Variants in AKAP7 observed in about 807,000 individuals in gnomAD.
AKAP7 encodes the protein A-kinase anchoring protein 7.
In AKAP7, 39 loss-of-function variants were observed where a neutral mutation model predicts 39.5. The observed-to-expected ratio is 0.99, with a 90% CI of 0.76 to 1.29. The LOEUF (loss-of-function observed/expected upper bound fraction) is 1.29, where lower values mean the gene tolerates loss of function less well. Among genes scored for constraint, AKAP7 ranks in the 50% most tolerant of loss-of-function variants. The pLI is 0.00. For synonymous variants in AKAP7, 140 were observed against 139.1 expected (o/e 1.01, Z -0.05); for missense variants, 414 against 407.7 (o/e 1.02, Z -0.13).
At position 131,145,848 on chromosome 6, in the gene AKAP7, C is replaced by T. The variant is rs77262554; in HGVS notation, c.151+432C>T. ...GGATTACAGATGTGAATGATCGTGC[C>T]GCGCCAAGTCTTGTTTTTTATTTAA... is the stretch of plus-strand genomic sequence containing the variant. On this transcript the variant is annotated intron_variant, in intron 2 of 7. Transcript: ENST00000431975. 0.01 allele frequency among the ~76,000 whole-genome samples: 1,533 copies of T among 152,118 alleles called. 115 individuals carry two copies. In the East Asian group the frequency reaches 0.18, roughly 18 times the overall value.
chr6:131,156,065 G>A (rs1802390726), intron 2 of AKAP7, among the ~76,000 whole-genome samples: 2 of 152,262 alleles, frequency 1.3e-5, no homozygotes, highest in South Asian at 4.2e-4. Flanking sequence ...ATCCAGTGCT[G>A]CCTCTATAAA....
chr6:131,241,336 A>G (rs1427621372), intron 7 of AKAP7, among the ~76,000 whole-genome samples: 1 of 152,090 alleles, frequency 6.6e-6, no homozygotes, highest in Admixed American at 6.6e-5. Flanking sequence ...AGGAGAATCA[A>G]TATTTTAAGA....
At chr6:131,207,198 A>T (rs921588587) in intron 6 of AKAP7, among the ~76,000 whole-genome samples, 6 of 152,196 alleles carry the variant, frequency 3.9e-5, no homozygotes, top group Non-Finnish European at 5.9e-5. Context: ...AGAATGACAG[A>T]AAGAAGAAAG....
At chr6:131,148,165 T>A (rs1801625589) in intron 2 of AKAP7, among the ~76,000 whole-genome samples, 1 of 152,198 alleles carries the variant, frequency 6.6e-6, no homozygotes, top group African/African-American at 2.4e-5. Flanking sequence ...GATATATTTT[T>A]TACCAAAGAA....
intron 2 of AKAP7, among the ~76,000 whole-genome samples, chr6:131,153,643 A>G (rs1329007136): frequency 6.6e-6 from 1 of 152,150 alleles, no homozygotes; most frequent in Non-Finnish European, 1.5e-5. Flanking sequence ...TTAAATAGGT[A>G]AGGTAGAAAA....
At chr6:131,254,591 G>C (rs1002398203) in intron 7 of AKAP7, among the ~76,000 whole-genome samples, 6 of 152,186 alleles carry the variant, frequency 3.9e-5, no homozygotes, top group African/African-American at 1.4e-4. Context: ...ATGGATGAAT[G>C]GTAAAGATGA....
intron 6 of AKAP7, among the ~76,000 whole-genome samples, chr6:131,205,192 A>C (rs949262714): frequency 1.8e-4 from 27 of 151,830 alleles, no homozygotes; most frequent in Admixed American, 9.8e-4. Flanking sequence ...ACCAATTGAG[A>C]TTTTTTTTTA....
intron 1 of AKAP7, 119 bp from the exon 2 acceptor site, chr6:131,145,166 A>G (rs1422491634): frequency 6.1e-6 from 4 of 652,842 alleles, no homozygotes; most frequent in East Asian, 3.5e-5. Flanking sequence ...CAAGTAGTAC[A>G]TTTCTTAACA....
chr6:131,215,338 A>T (rs544363109), intron 6 of AKAP7, among the ~76,000 whole-genome samples: 1 of 152,358 alleles, frequency 6.6e-6, no homozygotes, highest in Admixed American at 6.5e-5. Context: ...GGAAGGCCGC[A>T]AGGCCGTTCT....
intron 5 of AKAP7, among the ~76,000 whole-genome samples, chr6:131,198,309 A>AT (rs771640163): frequency 2.3e-4 from 35 of 152,062 alleles, no homozygotes; most frequent in Non-Finnish European, 4.4e-4. Flanking sequence ...TGATTAATTG[A>AT]TTTATCTTTT....
chr6:131,184,505 A>T (rs1190192893), intron 5 of AKAP7: 1 of 687,070 alleles, frequency 1.5e-6, no homozygotes, highest in Non-Finnish European at 2.7e-6. Flanking sequence ...GGTGCCGCAG[A>T]TATCGCAACA....
intron 5 of AKAP7, among the ~76,000 whole-genome samples, 161 bp downstream of exon 5, chr6:131,169,434 C>G (rs1161554255): frequency 3.3e-5 from 5 of 152,182 alleles, no homozygotes; most frequent in Admixed American, 6.5e-5. Context: ...GATTTCAGTG[C>G]TTATCATAAC....
chr6:131,279,629 TA>T (rs778501937), intron 7 of AKAP7, among the ~76,000 whole-genome samples: 14 of 152,184 alleles, frequency 9.2e-5, no homozygotes, highest in Non-Finnish European at 2.1e-4. Flanking sequence ...CACTGTGGAC[TA>T]GTAGAAATCA....
chr6:131,183,195 C>T (rs1374542200), intron 5 of AKAP7, among the ~76,000 whole-genome samples: 3 of 152,286 alleles, frequency 2.0e-5, no homozygotes, highest in South Asian at 2.1e-4. Flanking sequence ...GGCCTGCCTG[C>T]GGCCAAGGGG....
At chr6:131,279,957 T>C (rs139262890) in intron 7 of AKAP7, among the ~76,000 whole-genome samples, 7 of 152,312 alleles carry the variant, frequency 4.6e-5, no homozygotes, top group African/African-American at 1.7e-4. Context: ...AAACACCGTG[T>C]TGTAAGGTTG....
At chr6:131,247,326 C>CTT (rs539406845) in intron 7 of AKAP7, among the ~76,000 whole-genome samples, 3 of 58,156 alleles carry the variant, frequency 5.2e-5, no homozygotes, top group Admixed American at 2.1e-4. Context: ...TTTTTTTTTT[C>CTT]TTTTTTTTTT....
chr6:131,257,970 CAATT>C (rs1813001942), intron 7 of AKAP7, among the ~76,000 whole-genome samples: 1 of 152,144 alleles, frequency 6.6e-6, no homozygotes, highest in African/African-American at 2.4e-5. Flanking sequence ...TGTGGTTACA[CAATT>C]AATACACTTT....
intron 5 of AKAP7, among the ~76,000 whole-genome samples, chr6:131,197,591 T>G (rs1396511086): frequency 6.6e-6 from 1 of 152,194 alleles, no homozygotes; most frequent in Non-Finnish European, 1.5e-5. Flanking sequence ...TTAGTGTGTT[T>G]TATTTTGGCT....
chr6:131,133,398 T>C (rs1800369564), upstream of AKAP7, among the ~76,000 whole-genome samples: 1 of 152,232 alleles, frequency 6.6e-6, no homozygotes, highest in Non-Finnish European at 1.5e-5. Context: ...CCCATTTGTC[T>C]TTGCTTTTTG....
Sources: gnomAD v4.1 joint callset for allele counts (sites outside exome capture counted in the v4.1 genomes callset) on GRCh38, gnomAD v4.1.1 for gene constraint, MANE v1.5 for transcripts, NCBI Gene and HGNC (gene_info 2026-07-23, HGNC 2026-07-21) for gene names.